Variants in AKAP11 observed in about 807,000 individuals in gnomAD.
AKAP11 encodes the protein A-kinase anchoring protein 11, also known as A-kinase anchor protein 11.
A neutral mutation model predicts 146.1 loss-of-function variants in AKAP11; 36 were observed. The observed-to-expected ratio is 0.25, with a 90% CI of 0.19 to 0.33. The LOEUF (loss-of-function observed/expected upper bound fraction) is 0.33. Ranked by LOEUF, AKAP11 falls within the 10% of genes least tolerant of loss-of-function variation. The pLI is 1.00. For synonymous variants in AKAP11, 780 were observed against 786.5 expected (o/e 0.99, Z 0.14); for missense variants, 2,201 against 2,197.0 (o/e 1.00, Z -0.04).
rs150773395 is a variant in AKAP11, at chr13:42,301,991, G to T, written c.3245G>T (p.Gly1082Val). The T allele has an allele frequency of 4.8e-4, 776 of 1,612,652 alleles. 7 individuals are homozygous for T. In the East Asian group the frequency reaches 0.016, roughly 33 times the overall value. ...FSSTALTCVD[G>V]LHVEDKQKVR... ...TCTACAGCACTTACCTGTGTAGATG[G>T]TTTGCATGTGGAAGATAAACAGAAA... is the stretch of plus-strand genomic sequence containing the variant. Residue 1082 changes from glycine to valine, a missense_variant, in exon 8 of 13, where the codon GGT (glycine) becomes GTT (valine). Physicochemically the swap from Gly to Val is moderately radical, Grantham distance 109. Around this residue, in one of 3 missense-constraint regions of AKAP11, gnomAD observed 1,867 missense variants for 1,833.5 expected, o/e 1.02. Transcript: ENST00000025301.
Position 42,300,989 on chromosome 13 carries a change from A to G in AKAP11, c.2243A>G (p.Asn748Ser), listed in dbSNP as rs145789270. The G allele has an allele frequency of 1.7e-4, 280 of 1,614,142 alleles. No homozygotes were observed. In the African/African-American group the frequency reaches 3.0e-3, roughly 17 times the overall value. ...GTCACGTTTTCCCCTTCTTTTCACA[A>G]TCAAGCAATTATGGTGACAAAACCA... ...QAVTFSPSFH[N>S]QAIMVTKPVQ... Residue 748 changes from asparagine (N) to serine (S), a missense_variant, in exon 8 of 13, where the codon AAT (asparagine) becomes AGT (serine). Physicochemically the swap from Asn to Ser is conservative, Grantham distance 46 (BLOSUM62 1). Coordinates refer to ENST00000025301, the MANE Select transcript of AKAP11 (RefSeq NM_016248.4).
At position 42,301,288 on chromosome 13, in the gene AKAP11, A is replaced by G. The variant is rs1959884710; in HGVS notation, c.2542A>G (p.Asn848Asp). The G allele has an allele frequency of 1.2e-6, 2 of 1,613,722 alleles. No individual in the cohort carries two copies. Among genetic ancestry groups the G allele is most frequent in the African/African-American group, 2.7e-5 (2 of 74,904 alleles). ...TTCAGAACACAATCCAGGTAATCAG[A>G]ATGATTTTAAACCAACTAATGACGA... The part of the protein sequence containing the change: ...LPSEHNPGNQ[N>D]DFKPTNDDIE... Residue 848 changes from asparagine (N) to aspartate (D), a missense_variant, in exon 8 of 13, where the codon AAT becomes GAT. Asn to Asp is a conservative substitution (Grantham distance 23). Around this residue, in one of 3 missense-constraint regions of AKAP11, gnomAD observed 1,867 missense variants for 1,833.5 expected, o/e 1.02. Coordinates refer to ENST00000025301, the MANE Select transcript of AKAP11 (RefSeq NM_016248.4).
rs1961067824 is a variant in AKAP11, at chr13:42,321,076, G to A, written c.*1848G>A. On this transcript the variant is annotated 3_prime_UTR_variant, in exon 13 of 13. Transcript: ENST00000025301. ...CTTGAGATGTGGCAGCACTGGACTG[G>A]GTTTTTTTAAATGTTAGGACTAGGA... 3 of 152,148 alleles carry A rather than the reference G, an allele frequency of 2.0e-5. No individual in the cohort carries two copies. Among genetic ancestry groups the A allele is most frequent in the Admixed American group, 2.0e-4 (3 of 15,272 alleles). The allele number at this position is 152,148 out of a possible 1,614,324, so 9.4% of individuals were successfully genotyped here.
chr13:42,319,279 G>A lies in AKAP11; in HGVS notation c.*51G>A. The A allele has an allele frequency of 2.5e-6, 4 of 1,582,736 alleles. No homozygotes were observed. Among genetic ancestry groups the A allele is most frequent in the African/African-American group, 1.4e-5 (1 of 73,584 alleles). On this transcript the variant is annotated 3_prime_UTR_variant, in exon 13 of 13. Coordinates refer to ENST00000025301, the MANE Select transcript of AKAP11 (RefSeq NM_016248.4). ...AGTATTTGTTTGGGGAGGGGAACAA[G>A]CCAATAAAGATGTTTAGGATAAAAT...
At position 42,303,378 on chromosome 13, in the gene AKAP11, C is replaced by A. The variant is rs1555292527; in HGVS notation, c.4632C>A (p.Ala1544=). 3 of 1,613,542 alleles carry A rather than the reference C, an allele frequency of 1.9e-6. No individual in the cohort carries two copies. The highest frequency in any genetic ancestry group is 2.5e-6 in the Non-Finnish European group (3 of 1,180,002). ...TTGTTCAAGCTGTAGAACAGTATGC[C>A]AAAAAAGTAGTGGATGACACTCTAG... ...DNVVQAVEQY[A]KKVVDDTLEL... is the part of the protein sequence containing the mutation. The change falls in exon 8 of 13, where the codon GCC becomes GCA. Residue 1544 remains alanine (A), a synonymous_variant. Transcript: ENST00000025301.
upstream of AKAP11, among the ~76,000 whole-genome samples, chr13:42,271,914 G>T (rs570438628): frequency 2.4e-4 from 37 of 151,880 alleles, no homozygotes; most frequent in African/African-American, 8.2e-4. Flanking sequence ...TTTTTTTCCT[G>T]TTCCTTCTTT....
chr13:42,292,337 C>T (rs773524111), intron 3 of AKAP11, 48 bp from the exon 4 acceptor site: 6 of 1,226,224 alleles, frequency 4.9e-6, no homozygotes, highest in Admixed American at 3.6e-5. Flanking sequence ...TTACCCTTGT[C>T]TTAGAATTAA....
rs1961002440 is a variant in AKAP11 at position 42,319,862 on chromosome 13, C to G, written c.*634C>G. The G allele has an allele frequency of 6.6e-6, 1 of 151,188 alleles. No individual in the cohort carries two copies. Among genetic ancestry groups the G allele is most frequent in the Non-Finnish European group, 1.5e-5 (1 of 68,054 alleles). 9.4% of individuals were successfully genotyped at this position (151,188 alleles called of 1,614,324 possible). On this transcript the variant is annotated 3_prime_UTR_variant, in exon 13 of 13. Coordinates refer to ENST00000025301, the MANE Select transcript of AKAP11 (RefSeq NM_016248.4). ...TAAGTGATAGTTTCCCCCATCCTTT[C>G]ATTGACATTATTTGCCAATGCTGCC...
chr13:42,286,150 G>T, intron 2 of AKAP11, 115 bp downstream of exon 2: 1 of 377,206 alleles, frequency 2.7e-6, no homozygotes, highest in Non-Finnish European at 4.8e-6. Context: ...TTGCTGGATT[G>T]CAAGTAAATT....
In AKAP11 at chr13:42,322,970, G is replaced by A. The variant is rs1961148301; in HGVS notation, c.*3742G>A. Reference sequence around the variant, plus strand: ...TCTTGTTTAATATACCAGATACATAGCAAAAGCAGCTTGGAATAATTATAG... The same window carrying A: ...TCTTGTTTAATATACCAGATACATAACAAAAGCAGCTTGGAATAATTATAG... On this transcript the variant is annotated 3_prime_UTR_variant, in exon 13 of 13. Transcript: ENST00000025301. 1 of 152,660 alleles carries A rather than the reference G, an allele frequency of 6.6e-6. No individual in the cohort carries two copies. The highest frequency in any genetic ancestry group is 2.1e-4 in the South Asian group (1 of 4,826). 9.5% of individuals were successfully genotyped at this position (152,660 alleles called of 1,614,324 possible).
Position 42,322,352 on chromosome 13 carries a change from A to G in AKAP11, c.*3124A>G, listed in dbSNP as rs1023551778. Reference sequence around the variant, plus strand: ...TTTACTTATCTGACTTTGATATTAGATGGCTGACATTAGTGCACATAATGC... The same window carrying G: ...TTTACTTATCTGACTTTGATATTAGGTGGCTGACATTAGTGCACATAATGC... On this transcript the variant is annotated 3_prime_UTR_variant, in exon 13 of 13. Transcript: ENST00000025301. 3.9e-5 allele frequency: 6 copies of G among 152,314 alleles called. No individual in the cohort carries two copies. The highest frequency in any genetic ancestry group is 8.8e-5 in the Non-Finnish European group (6 of 67,992). 9.4% of individuals were successfully genotyped at this position (152,314 alleles called of 1,614,324 possible). A position where few individuals can be genotyped will look rare whatever the true frequency, so the allele number is the denominator to read the frequency against.
intron 3 of AKAP11, among the ~76,000 whole-genome samples, chr13:42,292,053 C>T (rs193256352): frequency 1.1e-4 from 16 of 152,298 alleles, no homozygotes; most frequent in Admixed American, 7.8e-4. Context: ...TTCTGTTCTA[C>T]GCCAGTGACT....
chr13:42,289,699 A>G (rs1358259519), intron 3 of AKAP11, among the ~76,000 whole-genome samples: 50 of 152,072 alleles, frequency 3.3e-4, no homozygotes, highest in Non-Finnish European at 5.9e-5. Context: ...AAAACCCAAG[A>G]TCTGGATACT....
intron 8 of AKAP11, among the ~76,000 whole-genome samples, chr13:42,304,987 G>A (rs1349855920): frequency 6.6e-6 from 1 of 152,114 alleles, no homozygotes; most frequent in Non-Finnish European, 1.5e-5. Context: ...CTGACCTTAG[G>A]TGATCTGCCC....
chr13:42,311,132 A>G (rs17703218), intron 9 of AKAP11, among the ~76,000 whole-genome samples: 19,459 of 152,226 alleles, frequency 0.13, 1,393 homozygotes, highest in South Asian at 0.2. Context: ...TAATTTTTAT[A>G]AGATGTATCA....
Position 42,299,663 on chromosome 13 carries a change from C to T in AKAP11, c.917C>T (p.Ser306Leu). 2 of 1,613,924 alleles carry T rather than the reference C, an allele frequency of 1.2e-6. No individual in the cohort carries two copies. Among genetic ancestry groups the T allele is most frequent in the Non-Finnish European group, 1.7e-6 (2 of 1,179,888 alleles). The change falls in exon 8 of 13, where the codon TCA becomes TTA. Residue 306 changes from serine (S) to leucine (L), a missense_variant. Coordinates refer to ENST00000025301, the MANE Select transcript of AKAP11 (RefSeq NM_016248.4). ...TTTTTTTCGTCTTCTCCTGCCTACT[C>T]ATCTGAATCAGAATGTTCAAGTCCA... The part of the protein sequence containing the change: ...KTFFSSSPAY[S>L]SESECSSPSP...
intron 8 of AKAP11, among the ~76,000 whole-genome samples, chr13:42,305,697 G>C (rs1024598243): frequency 2.6e-5 from 4 of 152,138 alleles, no homozygotes; most frequent in African/African-American, 9.7e-5. Flanking sequence ...TTGGGACAGA[G>C]GCTGTATGAC....
chr13:42,303,610 A>G lies in AKAP11; in HGVS notation c.4864A>G (p.Lys1622Glu), dbSNP rs1960088629. ...CAGTAGTAAGCCAGCTTCTAATCCAAAATTTAGCAGCCGCTATCAGAAATC... is the reference window on the plus strand; with the variant it reads ...CAGTAGTAAGCCAGCTTCTAATCCAGAATTTAGCAGCCGCTATCAGAAATC... Reference protein sequence around the residue: ...LASSKPASNPKFSSRYQKSRI... With the variant: ...LASSKPASNPEFSSRYQKSRI... The change falls in exon 8 of 13, where the codon AAA (lysine) becomes GAA (glutamate). Residue 1622 changes from lysine (K) to glutamate (E), a missense_variant. This residue lies in a region of AKAP11 where 1,867 missense variants were observed against 1,833.5 expected (regional missense o/e 1.02). Transcript: ENST00000025301. 1.9e-6 allele frequency: 3 copies of G among 1,614,182 alleles called. No individual in the cohort carries two copies. In the African/African-American group the frequency reaches 4.0e-5, roughly 22 times the overall value.
At chr13:42,286,143 C>A in intron 2 of AKAP11, 108 bp downstream of exon 2, 1 of 360,960 alleles carries the variant, frequency 2.8e-6, no homozygotes, top group Non-Finnish European at 5.0e-6. Context: ...AATATTCTTG[C>A]TGGATTGCAA....
Sources: allele counts gnomAD v4.1 joint callset (sites outside exome capture counted in the v4.1 genomes callset), GRCh38; gene constraint gnomAD v4.1.1; regional missense constraint gnomAD v4.1.1; transcripts MANE v1.5; gene names NCBI Gene and HGNC (gene_info 2026-07-23, HGNC 2026-07-21).